DCC: variants seen among roughly 807,000 people sequenced by gnomAD.
DCC encodes the protein netrin receptor DCC.
In DCC, 58 loss-of-function variants were observed where a neutral mutation model predicts 172.5. That is an observed-to-expected ratio of 0.34 (90% CI 0.27 to 0.42). DCC has a LOEUF of 0.42. Among genes scored for constraint, DCC ranks in the 10% least tolerant of loss-of-function variants. DCC has a pLI of 1.00. For missense variants in DCC, 1,740 were observed against 1,791.0 expected (o/e 0.97, Z 0.51); for synonymous variants, 709 against 644.5 (o/e 1.10, Z -1.52).
intron 14 of DCC, among the ~76,000 whole-genome samples, chr18:53,336,741 T>C (rs533353635): frequency 6.6e-6 from 1 of 152,306 alleles, no homozygotes; most frequent in East Asian, 1.9e-4. Context: ...CTGGGCGTGG[T>C]GGCACATGCC....
rs115010872 is a variant in DCC at position 52,921,110 on chromosome 18, C to T, written c.698-2597C>T. ...ATGATATGGTAATACATATATATGA[C>T]ATGCATTTGTCAAACCCATAGGATT... On this transcript the variant is annotated intron_variant, in intron 3 of 28. Coordinates refer to ENST00000442544, the MANE Select transcript of DCC (RefSeq NM_005215.4). Among the ~76,000 whole-genome samples, 316 of 149,174 alleles carry T rather than the reference C, an allele frequency of 2.1e-3. 1 individual carries two copies. Among genetic ancestry groups the T allele is most frequent in the African/African-American group, 7.4e-3 (300 of 40,552 alleles).
At chr18:52,659,479 T>C (rs1568279361) in intron 1 of DCC, among the ~76,000 whole-genome samples, 1 of 152,190 alleles carries the variant, frequency 6.6e-6, no homozygotes, top group South Asian at 2.1e-4. Flanking sequence ...CCCTGCTTTT[T>C]ATTTGTGTTT....
intron 5 of DCC, among the ~76,000 whole-genome samples, chr18:52,943,888 C>T (rs2156287): frequency 0.92 from 140,259 of 152,150 alleles, 65,061 homozygotes; most frequent in Non-Finnish European, 0.98. Flanking sequence ...CAGCTGGGGC[C>T]GCAGGTGCCT....
At chr18:52,606,493 T>A (rs1415883436) in intron 1 of DCC, among the ~76,000 whole-genome samples, 2 of 152,154 alleles carry the variant, frequency 1.3e-5, no homozygotes, top group Non-Finnish European at 2.9e-5. Flanking sequence ...ATTATTCTAA[T>A]TACTTGACAA....
chr18:52,679,711 T>C (rs2035710256), intron 1 of DCC, among the ~76,000 whole-genome samples: 5 of 152,164 alleles, frequency 3.3e-5, no homozygotes, highest in Admixed American at 3.3e-4. Context: ...AGTTTAATCA[T>C]TGCTGTAAAG....
intron 1 of DCC, among the ~76,000 whole-genome samples, chr18:52,406,485 T>C (rs2144391223): frequency 6.6e-6 from 1 of 152,182 alleles, no homozygotes; most frequent in Non-Finnish European, 1.5e-5. Flanking sequence ...AGAAAAAGAA[T>C]GGAGTTTTCA....
intron 2 of DCC, among the ~76,000 whole-genome samples, chr18:52,895,494 A>G (rs2039715040): frequency 6.6e-6 from 1 of 152,210 alleles, no homozygotes; most frequent in Admixed American, 6.5e-5. Flanking sequence ...TGAATAGAGT[A>G]TTAGAAACAT....
At chr18:53,424,572 G>T (rs548043819) in intron 21 of DCC, among the ~76,000 whole-genome samples, 1 of 152,264 alleles carries the variant, frequency 6.6e-6, no homozygotes, top group African/African-American at 2.4e-5. Context: ...GATTAGAAAA[G>T]ACTTCTTAAA....
chr18:52,733,839 G>A (rs1254701006), intron 1 of DCC, among the ~76,000 whole-genome samples: 1 of 151,832 alleles, frequency 6.6e-6, no homozygotes, highest in East Asian at 1.9e-4. Flanking sequence ...TCCATTAATG[G>A]GTAAACAACA....
chr18:52,458,336 A>C (rs1256385675), intron 1 of DCC, among the ~76,000 whole-genome samples: 2 of 152,082 alleles, frequency 1.3e-5, no homozygotes, highest in Non-Finnish European at 1.5e-5. Context: ...TGTCTTTCAC[A>C]TACATTATTT....
intron 8 of DCC, among the ~76,000 whole-genome samples, chr18:53,165,878 A>G (rs943666279): frequency 1.8e-4 from 27 of 152,204 alleles, no homozygotes; most frequent in Non-Finnish European, 3.4e-4. Flanking sequence ...GTGGAAAGGA[A>G]CATGCTTCTG....
chr18:52,394,568 C>T (rs1453044555), intron 1 of DCC, among the ~76,000 whole-genome samples: 1 of 151,984 alleles, frequency 6.6e-6, no homozygotes, highest in Non-Finnish European at 1.5e-5. Flanking sequence ...TGAGCCACCA[C>T]ACCTAGCCTC....
At chr18:53,267,429 C>T (rs930932307) in intron 12 of DCC, among the ~76,000 whole-genome samples, 1 of 152,072 alleles carries the variant, frequency 6.6e-6, no homozygotes, top group Admixed American at 6.6e-5. Context: ...TCAGGTGACC[C>T]TCCTGCCTCA....
intron 2 of DCC, among the ~76,000 whole-genome samples, chr18:52,905,260 T>C (rs1457960369): frequency 6.6e-6 from 1 of 152,256 alleles, no homozygotes; most frequent in Non-Finnish European, 1.5e-5. Flanking sequence ...TGGTCATTCA[T>C]ATGAATGAAT....
At chr18:52,772,868 T>C (rs2145169013) in intron 2 of DCC, among the ~76,000 whole-genome samples, 1 of 152,358 alleles carries the variant, frequency 6.6e-6, no homozygotes, top group African/African-American at 2.4e-5. Context: ...TTTCTCCTTC[T>C]TGCTTATCCT....
At chr18:52,578,416 A>AATT (rs2033467115) in intron 1 of DCC, among the ~76,000 whole-genome samples, 3 of 152,208 alleles carry the variant, frequency 2.0e-5, no homozygotes, top group Non-Finnish European at 2.9e-5. Context: ...GGAGCTGATG[A>AATT]TACATTTTAT....
At chr18:52,873,532 G>C (rs1000114153) in intron 2 of DCC, among the ~76,000 whole-genome samples, 3 of 152,182 alleles carry the variant, frequency 2.0e-5, no homozygotes, top group African/African-American at 7.2e-5. Context: ...ACGGACTTGA[G>C]TGGGTAGATA....
intron 23 of DCC, among the ~76,000 whole-genome samples, chr18:53,455,240 C>T (rs1291690475): frequency 6.6e-6 from 1 of 152,188 alleles, no homozygotes. Flanking sequence ...ATTAGTACAG[C>T]ACTCTTTATT....
rs2046549573 is a variant in DCC, at chr18:53,534,070, G to A, written c.*3417G>A. 1 of 152,260 alleles carries A rather than the reference G, an allele frequency of 6.6e-6. No individual in the cohort carries two copies. The highest frequency in any genetic ancestry group is 2.1e-4 in the South Asian group (1 of 4,816). The allele number at this position is 152,260 out of a possible 1,614,324, so 9.4% of individuals were successfully genotyped here. A position where few individuals can be genotyped will look rare whatever the true frequency, so the allele number is the denominator to read the frequency against. On this transcript the variant is annotated 3_prime_UTR_variant, in exon 29 of 29. Transcript: ENST00000442544. ...GATTGCTGATACTTATCCACCCTTTGGGTACTTCTGTTGACTTTGTTTAAA... is the reference window on the plus strand; with the variant it reads ...GATTGCTGATACTTATCCACCCTTTAGGTACTTCTGTTGACTTTGTTTAAA...
Sources: gnomAD v4.1 joint callset for allele counts (sites outside exome capture counted in the v4.1 genomes callset) on GRCh38, gnomAD v4.1.1 for gene constraint, MANE v1.5 for transcripts, NCBI Gene and HGNC (gene_info 2026-07-23, HGNC 2026-07-21) for gene names.